Variants in STK33 observed in about 807,000 individuals in gnomAD.
STK33 encodes the protein serine/threonine kinase 33, also known as serine/threonine-protein kinase 33.
Under a neutral mutation model 58.0 loss-of-function variants are expected in STK33, and 52 were observed. That is an observed-to-expected ratio of 0.90 (90% CI 0.72 to 1.13). The LOEUF (loss-of-function observed/expected upper bound fraction) is 1.13, where lower values mean the gene tolerates loss of function less well. Among genes scored for constraint, STK33 ranks in the 50% most tolerant of loss-of-function variants. STK33 has a pLI of 0.00. For synonymous variants in STK33, 215 were observed against 200.1 expected (o/e 1.07, Z -0.63); for missense variants, 630 against 604.2 (o/e 1.04, Z -0.45).
intron 11 of STK33, among the ~76,000 whole-genome samples, chr11:8,449,436 T>C (rs1203895370): frequency 2.0e-5 from 3 of 151,652 alleles, no homozygotes; most frequent in East Asian, 1.9e-4. Flanking sequence ...ATATACACTA[T>C]GGAATACTAT....
chr11:8,557,235 AG>A (rs1449844515), intron 1 of STK33, among the ~76,000 whole-genome samples: 3 of 44,970 alleles, frequency 6.7e-5, no homozygotes, highest in South Asian at 1.7e-3. Context: ...TAGGCAACAG[AG>A]GGGGACCTTG....
At chr11:8,348,360 C>A in the STK33 span, among the ~76,000 whole-genome samples, 9,257 of 152,212 alleles carry the variant, frequency 0.061, 309 homozygotes, top group Non-Finnish European at 0.073. Context: ...GAAGGGGAAG[C>A]AAACATGTCC....
chr11:8,367,078 GAGTTTATGTAAC>G, the STK33 span, among the ~76,000 whole-genome samples: 1 of 152,250 alleles, frequency 6.6e-6, no homozygotes, highest in Non-Finnish European at 1.5e-5. Flanking sequence ...CATATACAAA[GAGTTTATGTAAC>G]AGTTTATGTG....
intron 14 of STK33, among the ~76,000 whole-genome samples, chr11:8,423,187 G>GTT (rs142442379): frequency 1.4e-5 from 2 of 147,286 alleles, no homozygotes; most frequent in African/African-American, 2.5e-5. Flanking sequence ...TATTTATTTT[G>GTT]TTTTTTTTTC....
At chr11:8,392,740 A>G (rs1306707867) in intron 15 of STK33, 30 bp from the exon 16 acceptor site, 1 of 1,610,554 alleles carries the variant, frequency 6.2e-7, no homozygotes, top group African/African-American at 1.3e-5. Flanking sequence ...ATTAATTTTC[A>G]GACACAAAGC....
At chr11:8,504,612 A>C (rs560875029) in intron 1 of STK33, among the ~76,000 whole-genome samples, 9 of 151,832 alleles carry the variant, frequency 5.9e-5, no homozygotes, top group Non-Finnish European at 1.3e-4. Flanking sequence ...ACACAGGGAG[A>C]CCTCATCTCC....
intron 15 of STK33, among the ~76,000 whole-genome samples, chr11:8,396,515 T>C (rs966238683): frequency 3.3e-5 from 5 of 152,142 alleles, no homozygotes; most frequent in Admixed American, 2.0e-4. Context: ...GATGGCCAAA[T>C]AGGAACAGCT....
chr11:8,476,173 C>T (rs1285713286), intron 4 of STK33, among the ~76,000 whole-genome samples: 1 of 152,194 alleles, frequency 6.6e-6, no homozygotes, highest in Non-Finnish European at 1.5e-5. Context: ...TGCTCATTAA[C>T]ATCCTACATT....
intron 1 of STK33, among the ~76,000 whole-genome samples, chr11:8,591,566 A>C (rs964884501): frequency 2.0e-5 from 3 of 152,180 alleles, no homozygotes; most frequent in Non-Finnish European, 4.4e-5. Flanking sequence ...CACATGGTTC[A>C]CTGTATGGCC....
chr11:8,426,786 T>C (rs1049386540), intron 14 of STK33, among the ~76,000 whole-genome samples: 1 of 152,218 alleles, frequency 6.6e-6, no homozygotes, highest in Non-Finnish European at 1.5e-5. Flanking sequence ...AAGTTAGATA[T>C]CATTAATTTT....
At chr11:8,341,706 T>C in the STK33 span, among the ~76,000 whole-genome samples, 4 of 152,196 alleles carry the variant, frequency 2.6e-5, no homozygotes, top group Non-Finnish European at 4.4e-5. Context: ...TAGGAGAGCA[T>C]GTCATGAAGT....
chr11:8,462,442 T>TACACACACAC (rs10635095), intron 7 of STK33, among the ~76,000 whole-genome samples: 8 of 128,346 alleles, frequency 6.2e-5, no homozygotes, highest in South Asian at 2.5e-4. Flanking sequence ...TATACATATA[T>TACACACACAC]ACACACACAC....
the STK33 span, among the ~76,000 whole-genome samples, chr11:8,371,640 CTTCCTTT>C: frequency 6.2e-5 from 2 of 32,274 alleles, no homozygotes; most frequent in East Asian, 1.3e-3. Flanking sequence ...TTCCTTCTTT[CTTCCTTT>C]CTTTTCTTTT....
chr11:8,458,905 G>A (rs1947194379), intron 8 of STK33, among the ~76,000 whole-genome samples: 1 of 152,124 alleles, frequency 6.6e-6, no homozygotes, highest in Admixed American at 6.5e-5. Context: ...AGGAAGCGAA[G>A]GTTAACATCC....
the STK33 span, among the ~76,000 whole-genome samples, chr11:8,371,038 G>T: frequency 6.6e-6 from 1 of 152,152 alleles, no homozygotes; most frequent in Non-Finnish European, 1.5e-5. Context: ...AGGGCTGTTG[G>T]GGGCTGAGGA....
chr11:8,559,979 G>C (rs995318648), intron 1 of STK33, among the ~76,000 whole-genome samples: 1 of 151,478 alleles, frequency 6.6e-6, no homozygotes, highest in Non-Finnish European at 1.5e-5. Context: ...CACCTCTTTT[G>C]TTTTAATGGC....
At chr11:8,406,047 G>C (rs1939109081) in intron 15 of STK33, among the ~76,000 whole-genome samples, 1 of 150,794 alleles carries the variant, frequency 6.6e-6, no homozygotes. Flanking sequence ...GCAGGCTGAG[G>C]CAGGAGAATG....
chr11:8,488,616 A>C (rs1199144421), intron 1 of STK33, among the ~76,000 whole-genome samples: 2 of 150,894 alleles, frequency 1.3e-5, no homozygotes, highest in African/African-American at 4.9e-5. Context: ...GCTGACCACC[A>C]AGATAAACAA....
At chr11:8,424,670 T>C (rs2135983033) in intron 14 of STK33, among the ~76,000 whole-genome samples, 1 of 148,784 alleles carries the variant, frequency 6.7e-6, no homozygotes, top group East Asian at 2.0e-4. Context: ...GACTTTTTAA[T>C]GATCGCCATT....
Sources: allele counts gnomAD v4.1 joint callset (sites outside exome capture counted in the v4.1 genomes callset), GRCh38; gene constraint gnomAD v4.1.1; transcripts MANE v1.5; gene names NCBI Gene and HGNC (gene_info 2026-07-23, HGNC 2026-07-21).